Variants in TSC1 observed in about 807,000 individuals in gnomAD.
The protein encoded by TSC1 is TSC complex subunit 1.
Under a neutral mutation model 124.3 loss-of-function variants are expected in TSC1, and 20 were observed. That is an observed-to-expected ratio of 0.16 (90% CI 0.11 to 0.23). TSC1 has a LOEUF of 0.23. Among genes scored for constraint, TSC1 ranks in the 10% least tolerant of loss-of-function variants. TSC1 has a pLI of 1.00. For synonymous variants in TSC1, 493 were observed against 539.1 expected (o/e 0.91, Z 1.19); for missense variants, 1,124 against 1,448.5 (o/e 0.78, Z 3.64).
chr9:132,900,346 T>C, intron 20 of TSC1: 1 of 279,698 alleles, frequency 3.6e-6, no homozygotes, highest in Non-Finnish European at 7.0e-6. Flanking sequence ...AAAAAAATGG[T>C]ATGTACAGCA....
intron 20 of TSC1, chr9:132,899,141 T>C (rs1161958530): frequency 6.6e-6 from 1 of 152,278 alleles, no homozygotes; most frequent in Non-Finnish European, 1.5e-5. Context: ...TTCGCCAGGA[T>C]GGTCTCGTTC....
In TSC1 at chr9:132,894,706, A is replaced by G. The variant is rs1238279959; in HGVS notation, c.*1529T>C. ...TTATTGCCATGCTAAAAAAAAAAAA[A>G]AAAAAAAAAGACTTTCATTCTCTCT... On this transcript the variant is annotated 3_prime_UTR_variant, in exon 23 of 23. Transcript: ENST00000298552. 1 of 196,528 alleles carries G rather than the reference A, an allele frequency of 5.1e-6. No homozygotes were observed. Among genetic ancestry groups the G allele is most frequent in the Non-Finnish European group, 1.1e-5 (1 of 94,584 alleles). The allele number at this position is 196,528 out of a possible 1,614,324, so 12.2% of individuals were successfully genotyped here.
At chr9:132,913,891 G>GTTTTTTTTTTTTT (rs775823272) in intron 8 of TSC1, among the ~76,000 whole-genome samples, 1 of 58,372 alleles carries the variant, frequency 1.7e-5, no homozygotes, top group African/African-American at 6.7e-5. Flanking sequence ...GTTTTGTTTT[G>GTTTTTTTTTTTTT]TTTTTTTTTT....
rs1452181811 is a variant in TSC1 at position 132,944,595 on chromosome 9, G to A, written c.-196C>T. The A allele has an allele frequency of 2.5e-6, 1 of 398,874 alleles. No individual in the cohort carries two copies. Among genetic ancestry groups the A allele is most frequent in the African/African-American group, 2.1e-5 (1 of 48,738 alleles). The allele number at this position is 398,874 out of a possible 1,614,324, so 24.7% of individuals were successfully genotyped here. A position where few individuals can be genotyped will look rare whatever the true frequency, so the allele number is the denominator to read the frequency against. The stretch of plus-strand genomic sequence containing the variant: ...ACCTCACAGTCCCTCCAGCCTACAG[G>A]GCGCCGCCATCTTGGACGTACAGCA... On this transcript the variant is annotated 5_prime_UTR_variant, in exon 1 of 23. Coordinates refer to ENST00000298552, the MANE Select transcript of TSC1 (RefSeq NM_000368.5).
rs1564503304 is a variant in TSC1 at position 132,927,255 on chromosome 9, G to A, written c.156C>T (p.Thr52=). The change falls in exon 4 of 23, where the codon ACC becomes ACT. Residue 52 remains threonine, a synonymous_variant. Coordinates refer to ENST00000298552, the MANE Select transcript of TSC1 (RefSeq NM_000368.5). The part of the protein sequence containing the change: ...VNTLVDYYLE[T]SSQPALHILT... The stretch of plus-strand genomic sequence containing the variant: ...GGATGTGCAATGCCGGCTGAGAGCT[G>A]GTTTCCAGGTAATAATCCACCAAGG... 2 of 1,614,056 alleles carry A rather than the reference G, an allele frequency of 1.2e-6. No homozygotes were observed. Among genetic ancestry groups the A allele is most frequent in the South Asian group, 2.2e-5 (2 of 91,048 alleles).
Position 132,896,115 on chromosome 9 carries a change from C to T in TSC1, c.*120G>A. ...AGTCAGCTGTCCAAAGGACCTCCGT[C>T]CCATTTCCACACATGAACTTGCACT... On this transcript the variant is annotated 3_prime_UTR_variant, in exon 23 of 23. Transcript: ENST00000298552. This position sits in a 1 kb window ranked among gnomAD's most constrained non-coding sequence, Gnocchi z 4.5. The T allele has an allele frequency of 6.8e-7, 1 of 1,472,796 alleles. No individual in the cohort carries two copies. The highest frequency in any genetic ancestry group is 2.3e-5 in the East Asian group (1 of 44,246). 91.2% of individuals were successfully genotyped at this position (1,472,796 alleles called of 1,614,324 possible).
intron 8 of TSC1, among the ~76,000 whole-genome samples, chr9:132,916,404 T>G (rs957246919): frequency 4.6e-5 from 7 of 151,906 alleles, no homozygotes; most frequent in African/African-American, 1.7e-4. Flanking sequence ...TCTTGATTTA[T>G]AAATTATAGA....
Position 132,906,822 on chromosome 9 carries a change from G to C in TSC1, c.1347C>G (p.Gly449=). The C allele has an allele frequency of 1.2e-6, 2 of 1,614,010 alleles. No individual in the cohort carries two copies. Among genetic ancestry groups the C allele is most frequent in the Non-Finnish European group, 1.7e-6 (2 of 1,179,974 alleles). ...CACTTAGAGTGACAGAACCTTTGCT[G>C]CCAGGTGGCTCTTCTGAAGAGAAAC... ...LNDRGSEEPP[G]SKGSVTLSDL... The change falls in exon 14 of 23, where the codon GGC becomes GGG. Residue 449 remains glycine (G), a synonymous_variant. Transcript: ENST00000298552. The surrounding 1 kb of genome is among the most constrained non-coding windows in gnomAD (Gnocchi z 4.1).
At chr9:132,938,960 G>A (rs1847602868) in intron 1 of TSC1, 1 of 152,146 alleles carries the variant, frequency 6.6e-6, no homozygotes. Context: ...ATTTGTCTAT[G>A]ATGTAAAAAT....
chr9:132,898,480 C>T (rs149323772), intron 20 of TSC1, among the ~76,000 whole-genome samples: 93 of 152,292 alleles, frequency 6.1e-4, no homozygotes, highest in Non-Finnish European at 1.1e-3. Context: ...TTCACGAAGG[C>T]GCCCTGCCTT....
upstream of TSC1, chr9:132,944,749 G>A: frequency 7.5e-6 from 3 of 397,532 alleles, no homozygotes; most frequent in Non-Finnish European, 1.3e-5. Flanking sequence ...CCGGAAGGAA[G>A]AGGCTCTTCC....
chr9:132,923,689 C>G lies in TSC1; in HGVS notation c.364-197G>C. On this transcript the variant is annotated intron_variant, in intron 5 of 22. Transcript: ENST00000298552. This position sits in a 1 kb window ranked among gnomAD's most constrained non-coding sequence, Gnocchi z 4.2. ...CTCAACAGAACACTGAGCCCCAACTCTACTGTAATGAGTCAGTGAGGACCA... is the reference window on the plus strand; with the variant it reads ...CTCAACAGAACACTGAGCCCCAACTGTACTGTAATGAGTCAGTGAGGACCA... The G allele has an allele frequency of 4.1e-6, 3 of 724,966 alleles. No homozygotes were observed. The East Asian group carries it at 8.5e-5, about 21-fold the overall frequency. 44.9% of individuals were successfully genotyped at this position (724,966 alleles called of 1,614,324 possible).
Position 132,896,838 on chromosome 9 carries a change from TCA to T in TSC1, c.2976-86_2976-85del, listed in dbSNP as rs1845098426. 6.3e-7 allele frequency: 1 copy of T among 1,598,910 alleles called. No individual in the cohort carries two copies. Among genetic ancestry groups the T allele is most frequent in the African/African-American group, 1.3e-5 (1 of 74,666 alleles). On this transcript the variant is annotated intron_variant, in intron 22 of 22. Transcript: ENST00000298552. This position sits in a 1 kb window ranked among gnomAD's most constrained non-coding sequence, Gnocchi z 4.5. ...GATGTGGAATTACACTGACACTCAC[TCA>T]CACTGACACTGAACTCCGCTAGCCC...
In TSC1 at chr9:132,891,349, T is replaced by C; in HGVS notation, c.*4886A>G. On this transcript the variant is annotated 3_prime_UTR_variant, in exon 23 of 23. Transcript: ENST00000298552. ...GCCACTCCATGTCCACACAGCAGAG[T>C]AGTGCAAAACAATAAATTTTTATTT... 4.4e-6 allele frequency: 1 copy of C among 229,332 alleles called. No homozygotes were observed. Among genetic ancestry groups the C allele is most frequent in the East Asian group, 6.2e-5 (1 of 16,016 alleles). The allele number at this position is 229,332 out of a possible 1,614,324, so 14.2% of individuals were successfully genotyped here. A position where few individuals can be genotyped will look rare whatever the true frequency, so the allele number is the denominator to read the frequency against.
intron 20 of TSC1, among the ~76,000 whole-genome samples, chr9:132,897,885 G>C (rs1845171220): frequency 6.6e-6 from 1 of 152,130 alleles, no homozygotes; most frequent in Admixed American, 6.5e-5. Context: ...CAAAAACCTG[G>C]AAACATCGTT....
chr9:132,893,138 T>C lies in TSC1; in HGVS notation c.*3097A>G. 4.3e-6 allele frequency: 1 copy of C among 233,262 alleles called. No homozygotes were observed. 14.4% of individuals were successfully genotyped at this position (233,262 alleles called of 1,614,324 possible). A position where few individuals can be genotyped will look rare whatever the true frequency, so the allele number is the denominator to read the frequency against. On this transcript the variant is annotated 3_prime_UTR_variant, in exon 23 of 23. Coordinates refer to ENST00000298552, the MANE Select transcript of TSC1 (RefSeq NM_000368.5). The stretch of plus-strand genomic sequence containing the variant: ...AGTAGCTCACCTCTCGCCTCTCCAC[T>C]CTTCAAGCTTAGTAAGAAGATTCCG...
At position 132,897,089 on chromosome 9, in the gene TSC1, G is replaced by A. The variant is rs1055225642; in HGVS notation, c.2975+95C>T. 1.3e-5 allele frequency: 20 copies of A among 1,585,848 alleles called. No individual in the cohort carries two copies. In the African/African-American group the frequency reaches 2.7e-4, roughly 21 times the overall value. On this transcript the variant is annotated intron_variant, in intron 22 of 22. Coordinates refer to ENST00000298552, the MANE Select transcript of TSC1 (RefSeq NM_000368.5). ...TGAGCTGAGTGTTGCAGCCTGTCTA[G>A]TCAGCAGTAACTGCTTCCCACACCA...
intron 8 of TSC1, among the ~76,000 whole-genome samples, chr9:132,919,897 T>C (rs1005006538): frequency 6.6e-6 from 1 of 152,228 alleles, no homozygotes; most frequent in Non-Finnish European, 1.5e-5. Context: ...TTAGCTTGTC[T>C]TAACTACATA....
rs11349075 is a variant in TSC1, at chr9:132,906,548, C to CAAAA, written c.1438+179_1438+182dup. On this transcript the variant is annotated intron_variant, in intron 14 of 22. Transcript: ENST00000298552. The surrounding 1 kb of genome is among the most constrained non-coding windows in gnomAD (Gnocchi z 4.1). ...AGGGTGACAGAGCAAGACCCTGTCT[C>CAAAA]AAAAAAAAAAAAAAAAAAAGTGGCA... 1.6e-3 allele frequency: 659 copies of CAAAA among 414,940 alleles called. 2 individuals are homozygous for CAAAA. Among genetic ancestry groups the CAAAA allele is most frequent in the African/African-American group, 0.013 (426 of 32,376 alleles). 25.7% of individuals were successfully genotyped at this position (414,940 alleles called of 1,614,324 possible). A position where few individuals can be genotyped will look rare whatever the true frequency, so the allele number is the denominator to read the frequency against.
Sources: gnomAD v4.1 joint callset for allele counts (sites outside exome capture counted in the v4.1 genomes callset) on GRCh38, gnomAD v4.1.1 for gene constraint, Gnocchi (gnomAD v3.1) non-coding constraint, MANE v1.5 for transcripts, NCBI Gene and HGNC (gene_info 2026-07-23, HGNC 2026-07-21) for gene names.